The following TENM4 variants were observed in gnomAD, a reference collection of about 807,000 sequenced individuals.
TENM4 encodes teneurin-4.
In TENM4, 82 loss-of-function variants were observed where a neutral mutation model predicts 243.3. That is an observed-to-expected ratio of 0.34 (90% CI 0.28 to 0.40). The LOEUF (loss-of-function observed/expected upper bound fraction) is 0.40. Among genes scored for constraint, TENM4 ranks in the 10% least tolerant of loss-of-function variants. The pLI is 1.00. For synonymous variants in TENM4, 1,412 were observed against 1,456.3 expected (o/e 0.97, Z 0.69); for missense variants, 3,138 against 3,673.3 (o/e 0.85, Z 3.77).
At chr11:78,942,420 G>C (rs544450135) in intron 6 of TENM4, among the ~76,000 whole-genome samples, 86 of 150,672 alleles carry the variant, frequency 5.7e-4, no homozygotes, top group African/African-American at 2.1e-3. Flanking sequence ...ACTCCAGCCT[G>C]GGTGATAGCA....
intron 1 of TENM4, among the ~76,000 whole-genome samples, chr11:79,413,425 G>A (rs1021584293): frequency 1.3e-5 from 2 of 152,016 alleles, no homozygotes; most frequent in African/African-American, 2.4e-5. Context: ...CCCTTTCCCC[G>A]CCTCCCTGGC....
Position 78,729,415 on chromosome 11 carries a change from C to T in TENM4, c.3367G>A (p.Val1123Ile), listed in dbSNP as rs370394958. 49 of 1,587,972 alleles carry T rather than the reference C, an allele frequency of 3.1e-5. No homozygotes were observed. The highest frequency in any genetic ancestry group is 3.9e-5 in the Non-Finnish European group (45 of 1,166,308). ...AGCCCAAACACCTTCTGGTTGTAGA[C>T]GTCTGTCTTGTCCCAAATGAAATAA... ...SYYFIWDKTD[V>I]YNQKVFGLSE... The change falls in exon 22 of 34, where the codon GTC becomes ATC. Residue 1123 changes from valine to isoleucine, a missense_variant. Transcript: ENST00000278550.
intron 6 of TENM4, among the ~76,000 whole-genome samples, chr11:78,993,496 T>A (rs918871822): frequency 6.6e-6 from 1 of 152,216 alleles, no homozygotes; most frequent in Non-Finnish European, 1.5e-5. Flanking sequence ...TCTAATTACA[T>A]GTTAGACCAC....
intron 28 of TENM4, among the ~76,000 whole-genome samples, chr11:78,698,126 G>A (rs1038002256): frequency 6.6e-6 from 1 of 152,196 alleles, no homozygotes; most frequent in African/African-American, 2.4e-5. Context: ...TTCAGGCCGG[G>A]TGCGGTGGCT....
At chr11:78,826,011 T>G (rs926012809) in intron 12 of TENM4, among the ~76,000 whole-genome samples, 8 of 151,870 alleles carry the variant, frequency 5.3e-5, no homozygotes, top group African/African-American at 1.9e-4. Context: ...TCTCCAATCA[T>G]TTATCCAGGC....
intron 27 of TENM4, among the ~76,000 whole-genome samples, chr11:78,705,564 G>A (rs982683192): frequency 6.6e-6 from 1 of 152,200 alleles, no homozygotes; most frequent in Non-Finnish European, 1.5e-5. Context: ...AGGTCTTGCA[G>A]CTCCCACGTT....
chr11:79,262,996 T>C (rs976935455), intron 2 of TENM4, among the ~76,000 whole-genome samples: 6 of 152,236 alleles, frequency 3.9e-5, no homozygotes, highest in Admixed American at 6.5e-5. Context: ...TAGCTCTCCC[T>C]GACCACCTGC....
At chr11:78,900,266 A>G (rs1199664354) in intron 7 of TENM4, among the ~76,000 whole-genome samples, 3 of 152,248 alleles carry the variant, frequency 2.0e-5, no homozygotes, top group African/African-American at 7.2e-5. Flanking sequence ...TCTCCATTTT[A>G]GAGATGAAAT....
intron 20 of TENM4, among the ~76,000 whole-genome samples, chr11:78,734,626 A>G (rs1855744973): frequency 6.6e-6 from 1 of 152,028 alleles, no homozygotes; most frequent in Non-Finnish European, 1.5e-5. Context: ...GCCTGTCTTA[A>G]TTGGCTTTGT....
intron 6 of TENM4, among the ~76,000 whole-genome samples, chr11:79,005,238 G>T (rs143612486): frequency 6.6e-6 from 1 of 152,200 alleles, no homozygotes; most frequent in East Asian, 1.9e-4. Flanking sequence ...TTAGGAGGAG[G>T]TACTCCTCCC....
chr11:78,900,752 G>A (rs1855910982), intron 7 of TENM4, among the ~76,000 whole-genome samples: 1 of 152,142 alleles, frequency 6.6e-6, no homozygotes, highest in South Asian at 2.1e-4. Flanking sequence ...AGGTATGAAG[G>A]TCCCTCTGAC....
At chr11:78,915,696 T>C (rs1856299428) in intron 6 of TENM4, among the ~76,000 whole-genome samples, 1 of 152,216 alleles carries the variant, frequency 6.6e-6, no homozygotes, top group South Asian at 2.1e-4. Flanking sequence ...TAGCCTACTT[T>C]GTTGAAACTG....
chr11:79,049,499 G>A (rs533494454), intron 6 of TENM4, among the ~76,000 whole-genome samples: 6 of 152,188 alleles, frequency 3.9e-5, no homozygotes, highest in Admixed American at 1.3e-4. Flanking sequence ...CAAGAGGCAG[G>A]GGGCAGAAAG....
At chr11:79,355,484 G>A (rs1407427212) in intron 1 of TENM4, among the ~76,000 whole-genome samples, 1 of 152,164 alleles carries the variant, frequency 6.6e-6, no homozygotes, top group Non-Finnish European at 1.5e-5. Flanking sequence ...AGTGAACCGA[G>A]ATCACGCCAC....
At chr11:79,257,063 G>A (rs2135316084) in intron 2 of TENM4, among the ~76,000 whole-genome samples, 1 of 152,268 alleles carries the variant, frequency 6.6e-6, no homozygotes, top group East Asian at 1.9e-4. Context: ...AGTGAATGAA[G>A]GAAGGCAGGA....
In TENM4 at chr11:79,261,082, C is replaced by A. The variant is rs1304419644; in HGVS notation, c.-265+36406G>T. ...ACAATTTGCCATGAGGCACAGGGGG[C>A]AGTATTCCTATTTGCCTTGACCTGG... is the stretch of plus-strand genomic sequence containing the variant. On this transcript the variant is annotated intron_variant, in intron 2 of 33. Coordinates refer to ENST00000278550, the MANE Select transcript of TENM4 (RefSeq NM_001098816.3). Among the ~76,000 whole-genome samples the A allele has an allele frequency of 3.3e-5, 5 of 152,194 alleles. No individual in the cohort carries two copies. The East Asian group carries it at 7.7e-4, about 23-fold the overall frequency.
intron 2 of TENM4, among the ~76,000 whole-genome samples, chr11:79,278,482 C>G (rs910796885): frequency 6.6e-6 from 1 of 152,158 alleles, no homozygotes; most frequent in African/African-American, 2.4e-5. Flanking sequence ...AGACCTGGGC[C>G]TGCTTGCGAT....
chr11:79,151,901 C>T (rs1427582484), intron 3 of TENM4, among the ~76,000 whole-genome samples: 1 of 152,160 alleles, frequency 6.6e-6, no homozygotes, highest in African/African-American at 2.4e-5. Context: ...AGAGATGCAT[C>T]TAATTTACCC....
At chr11:78,741,530 G>C (rs1333732570) in intron 19 of TENM4, among the ~76,000 whole-genome samples, 1 of 152,064 alleles carries the variant, frequency 6.6e-6, no homozygotes, top group Non-Finnish European at 1.5e-5. Flanking sequence ...CATCAAACAT[G>C]GCAAAATAAT....
Sources: allele counts gnomAD v4.1 joint callset (sites outside exome capture counted in the v4.1 genomes callset), GRCh38; gene constraint gnomAD v4.1.1; transcripts MANE v1.5; gene names NCBI Gene and HGNC (gene_info 2026-07-23, HGNC 2026-07-21).